Variants in SPON1 observed in about 807,000 individuals in gnomAD.
The protein encoded by SPON1 is spondin-1.
SPON1 carries 52 observed loss-of-function variants against 111.7 expected under a neutral mutation model. The observed-to-expected ratio is 0.47, with a 90% CI of 0.37 to 0.59. The LOEUF (loss-of-function observed/expected upper bound fraction) is 0.59, where lower values mean the gene tolerates loss of function less well. Ranked by LOEUF, SPON1 falls within the 20% of genes least tolerant of loss-of-function variation. The pLI, the probability that SPON1 is intolerant of heterozygous loss-of-function variation, is 0.00. For missense variants in SPON1, 957 were observed against 1,068.5 expected (o/e 0.90, Z 1.46); for synonymous variants, 410 against 395.8 (o/e 1.04, Z -0.43).
At chr11:14,103,301 A>G (rs1262172583) in intron 5 of SPON1, among the ~76,000 whole-genome samples, 2 of 152,212 alleles carry the variant, frequency 1.3e-5, no homozygotes, top group Non-Finnish European at 2.9e-5. Flanking sequence ...GAAGGGATGA[A>G]GAAGTGTATA....
At chr11:14,161,003 TTATATA>T (rs1564919871) in intron 6 of SPON1, among the ~76,000 whole-genome samples, 1 of 51,428 alleles carries the variant, frequency 1.9e-5, no homozygotes, top group African/African-American at 8.1e-5. Flanking sequence ...TTTTATATAT[TTATATA>T]TTTATATATC....
chr11:14,256,808 A>G, intron 10 of SPON1, 116 bp downstream of exon 10: 1 of 754,934 alleles, frequency 1.3e-6, no homozygotes, highest in Non-Finnish European at 2.2e-6. Flanking sequence ...TGGTAATCAT[A>G]TCTCTGAGGA....
At chr11:14,069,459 C>A (rs1554920666) in intron 3 of SPON1, among the ~76,000 whole-genome samples, 1 of 152,110 alleles carries the variant, frequency 6.6e-6, no homozygotes, top group South Asian at 2.1e-4. Flanking sequence ...ACCTTCAGAG[C>A]CGCCGCCATC....
chr11:14,125,936 A>C (rs782668300), intron 5 of SPON1, among the ~76,000 whole-genome samples: 1 of 152,228 alleles, frequency 6.6e-6, no homozygotes, highest in Non-Finnish European at 1.5e-5. Context: ...GTTCAGTTCC[A>C]GTCCTAAGGC....
Position 14,041,663 on chromosome 11 carries a change from A to G in SPON1, c.479+9A>G. On this transcript the variant is annotated intron_variant, in intron 3 of 15. Transcript: ENST00000576479. ...GGCTGCGTGATTCTGAAGTAAGTAA[A>G]CATGGAATCCTTCCCTGCAGTTTAT... The G allele has an allele frequency of 6.2e-7, 1 of 1,613,582 alleles. No individual in the cohort carries two copies. The highest frequency in any genetic ancestry group is 8.5e-7 in the Non-Finnish European group (1 of 1,179,728).
chr11:14,241,072 C>A (rs1433102048), intron 6 of SPON1, among the ~76,000 whole-genome samples: 1 of 68,220 alleles, frequency 1.5e-5, no homozygotes, highest in African/African-American at 4.9e-5. Flanking sequence ...AAATATAATG[C>A]CTGCACACAC....
At chr11:14,008,900 C>A (rs543182089) in intron 2 of SPON1, among the ~76,000 whole-genome samples, 2 of 152,342 alleles carry the variant, frequency 1.3e-5, no homozygotes, top group African/African-American at 4.8e-5. Flanking sequence ...CCTGGCCAAT[C>A]CATCACTAAG....
At position 14,266,409 on chromosome 11, in the gene SPON1, A is replaced by AT. The variant is rs1849269833; in HGVS notation, c.*727dup. ...GAGATAAATAATAAGCTTAGAGTGT[A>AT]TTTTTCCCTTGCTTTTGGGGGTTCA... On this transcript the variant is annotated 3_prime_UTR_variant, in exon 16 of 16. Coordinates refer to ENST00000576479, the MANE Select transcript of SPON1 (RefSeq NM_006108.4). 6.6e-6 allele frequency: 1 copy of AT among 152,052 alleles called. No homozygotes were observed. The highest frequency in any genetic ancestry group is 2.4e-5 in the African/African-American group (1 of 41,370). The allele number at this position is 152,052 out of a possible 1,614,324, so 9.4% of individuals were successfully genotyped here.
intron 2 of SPON1, among the ~76,000 whole-genome samples, chr11:14,015,430 T>C (rs2133800925): frequency 6.6e-6 from 1 of 152,356 alleles, no homozygotes; most frequent in East Asian, 1.9e-4. Context: ...TTATGAGGGC[T>C]CTGCCCTCAT....
intron 2 of SPON1, among the ~76,000 whole-genome samples, chr11:13,988,059 G>C (rs1848199301): frequency 6.6e-6 from 1 of 152,024 alleles, no homozygotes; most frequent in Non-Finnish European, 1.5e-5. Flanking sequence ...TCCATATGAA[G>C]TTTAAAGTAG....
chr11:14,051,688 G>C (rs1289146548), intron 3 of SPON1, among the ~76,000 whole-genome samples: 1 of 152,130 alleles, frequency 6.6e-6, no homozygotes, highest in South Asian at 2.1e-4. Context: ...CAGCCCCCAG[G>C]ACTGTGAGAA....
intron 3 of SPON1, among the ~76,000 whole-genome samples, chr11:14,064,439 G>A (rs1554920177): frequency 6.6e-6 from 1 of 152,214 alleles, no homozygotes; most frequent in Non-Finnish European, 1.5e-5. Context: ...GCAGAGAGGA[G>A]GGTAGAAGTG....
chr11:14,159,616 G>A (rs765740424), intron 6 of SPON1, among the ~76,000 whole-genome samples: 17 of 152,126 alleles, frequency 1.1e-4, no homozygotes, highest in Non-Finnish European at 1.9e-4. Context: ...CACAATAGCC[G>A]CAATTTGGAA....
chr11:14,210,358 T>G (rs1241296648), intron 6 of SPON1, among the ~76,000 whole-genome samples: 1 of 151,488 alleles, frequency 6.6e-6, no homozygotes, highest in African/African-American at 2.4e-5. Flanking sequence ...CTGAATAGTA[T>G]AGGTTTTCTT....
rs79493505 is a variant in SPON1 at position 14,113,335 on chromosome 11, G to T, written c.677-22085G>T. Reference sequence around the variant, plus strand: ...CTACCACAATGGGCTGCAAGTTTCAGAAACTTGCAAAGGGGAATTTTTCAT... The same window carrying T: ...CTACCACAATGGGCTGCAAGTTTCATAAACTTGCAAAGGGGAATTTTTCAT... On this transcript the variant is annotated intron_variant, in intron 5 of 15. Coordinates refer to ENST00000576479, the MANE Select transcript of SPON1 (RefSeq NM_006108.4). Among the ~76,000 whole-genome samples, 670 of 152,298 alleles carry T rather than the reference G, an allele frequency of 4.4e-3. 6 individuals carry two copies. Among genetic ancestry groups the T allele is most frequent in the African/African-American group, 0.015 (618 of 41,578 alleles).
Position 14,121,644 on chromosome 11 carries a change from A to G in SPON1, c.677-13776A>G, listed in dbSNP as rs576060517. Reference sequence around the variant, plus strand: ...CTTAAAGGGAGAAGCTCTTCAGTGAAGAAGAGATTAAAGGTGCACCTTACC... The same window carrying G: ...CTTAAAGGGAGAAGCTCTTCAGTGAGGAAGAGATTAAAGGTGCACCTTACC... On this transcript the variant is annotated intron_variant, in intron 5 of 15. Coordinates refer to ENST00000576479, the MANE Select transcript of SPON1 (RefSeq NM_006108.4). Among the ~76,000 whole-genome samples, 3 of 152,334 alleles carry G rather than the reference A, an allele frequency of 2.0e-5. No homozygotes were observed. The East Asian group carries it at 5.8e-4, about 29-fold the overall frequency.
chr11:14,122,420 G>A (rs944306444), intron 5 of SPON1, among the ~76,000 whole-genome samples: 12 of 152,240 alleles, frequency 7.9e-5, no homozygotes, highest in African/African-American at 2.6e-4. Context: ...TGATCTGCCC[G>A]CCTCAGCCTC....
chr11:14,217,644 T>TTTC (rs201368326), intron 6 of SPON1, among the ~76,000 whole-genome samples: 105 of 151,782 alleles, frequency 6.9e-4, no homozygotes, highest in African/African-American at 2.4e-3. Context: ...AACATGGATT[T>TTTC]TTTTTTTTTA....
intron 1 of SPON1, among the ~76,000 whole-genome samples, chr11:13,982,236 TC>T (rs1848150104): frequency 6.6e-6 from 1 of 152,160 alleles, no homozygotes; most frequent in Admixed American, 6.5e-5. Context: ...TTTGGTACTA[TC>T]CATGATTTCA....
Sources: gnomAD v4.1 joint callset for allele counts (sites outside exome capture counted in the v4.1 genomes callset) on GRCh38, gnomAD v4.1.1 for gene constraint, MANE v1.5 for transcripts, NCBI Gene and HGNC (gene_info 2026-07-23, HGNC 2026-07-21) for gene names.